Variants in DPP6 observed in about 807,000 individuals in gnomAD.
The protein encoded by DPP6 is A-type potassium channel modulatory protein DPP6.
DPP6 carries 69 observed loss-of-function variants against 122.6 expected under a neutral mutation model. The ratio of observed to expected loss-of-function variants is 0.56; its 90% confidence interval spans 0.46 to 0.69. The LOEUF (loss-of-function observed/expected upper bound fraction) is 0.69, where lower values mean the gene tolerates loss of function less well. Ranked by LOEUF, DPP6 falls within the 30% of genes least tolerant of loss-of-function variation. The pLI, the probability that DPP6 is intolerant of heterozygous loss-of-function variation, is 0.00. For synonymous variants in DPP6, 418 were observed against 433.1 expected, an observed-to-expected ratio of 0.97 and a Z score of 0.43; for missense variants, 928 against 1,116.9, an observed-to-expected ratio of 0.83 and a Z score of 2.41.
At chr7:154,508,143 G>A (rs11773838) in intron 3 of DPP6, among the ~76,000 whole-genome samples, 1 of 151,870 alleles carries the variant, frequency 6.6e-6, no homozygotes, top group Non-Finnish European at 1.5e-5. Context: ...TCTATGAAAA[G>A]CAACTCGAAC....
At chr7:154,219,583 T>G (rs529494174) in intron 1 of DPP6, among the ~76,000 whole-genome samples, 3 of 150,162 alleles carry the variant, frequency 2.0e-5, no homozygotes, top group Non-Finnish European at 3.0e-5. Context: ...CTTGCCTACT[T>G]TTTTTTTTTC....
chr7:153,982,308 G>C (rs1796626838), intron 1 of DPP6, among the ~76,000 whole-genome samples: 1 of 151,096 alleles, frequency 6.6e-6, no homozygotes, highest in African/African-American at 2.4e-5. Flanking sequence ...TTCAATCTCT[G>C]ATACCCCTTC....
At chr7:153,779,044 C>T in the DPP6 span, among the ~76,000 whole-genome samples, 4 of 146,636 alleles carry the variant, frequency 2.7e-5, no homozygotes, top group South Asian at 2.1e-4. Context: ...GGATGAATCT[C>T]GGAAAAAATA....
At chr7:154,237,645 CCTT>C (rs892121467) in intron 1 of DPP6, among the ~76,000 whole-genome samples, 33 of 152,280 alleles carry the variant, frequency 2.2e-4, no homozygotes, top group Admixed American at 9.2e-4. Context: ...ACCCTCATCT[CCTT>C]CTTCTTTTTT....
At chr7:153,763,330 A>C in the DPP6 span, among the ~76,000 whole-genome samples, 1 of 151,646 alleles carries the variant, frequency 6.6e-6, no homozygotes, top group African/African-American at 2.4e-5. Flanking sequence ...AAACTTTTCT[A>C]TAAGCCTCTT....
At chr7:154,842,668 ATTTG>A (rs1801643841) in intron 16 of DPP6, among the ~76,000 whole-genome samples, 1 of 152,088 alleles carries the variant, frequency 6.6e-6, no homozygotes, top group Admixed American at 6.5e-5. Context: ...ACTTGCTTCC[ATTTG>A]TTTATTTTCC....
chr7:154,760,091 C>G lies in DPP6; in HGVS notation c.884-9326C>G, dbSNP rs1402315909. On this transcript the variant is annotated intron_variant, in intron 8 of 25. Transcript: ENST00000377770. This position sits in a 1 kb window ranked among gnomAD's most constrained non-coding sequence, Gnocchi z 4.5. Reference sequence around the variant, plus strand: ...TGAGCAGAAATCATGCCATTGCACTCCAGCCTAGGTGACAGAGCGAGATTC... The same window carrying G: ...TGAGCAGAAATCATGCCATTGCACTGCAGCCTAGGTGACAGAGCGAGATTC... 6.6e-6 allele frequency among the ~76,000 whole-genome samples: 1 copy of G among 152,198 alleles called. No individual in the cohort carries two copies. Among genetic ancestry groups the G allele is most frequent in the Non-Finnish European group, 1.5e-5 (1 of 68,046 alleles).
chr7:153,994,444 G>GT (rs1218101312), intron 1 of DPP6, among the ~76,000 whole-genome samples: 2 of 151,536 alleles, frequency 1.3e-5, no homozygotes, highest in Non-Finnish European at 2.9e-5. Flanking sequence ...TATTAAATTG[G>GT]TTGTTAGTTC....
intron 1 of DPP6, among the ~76,000 whole-genome samples, chr7:154,121,848 CA>C (rs1287250502): frequency 6.6e-6 from 1 of 152,142 alleles, no homozygotes; most frequent in Non-Finnish European, 1.5e-5. Context: ...CAATAACAAA[CA>C]AAAATTCTTT....
chr7:154,647,012 C>T (rs568406990), intron 6 of DPP6, among the ~76,000 whole-genome samples: 1 of 152,224 alleles, frequency 6.6e-6, no homozygotes, highest in South Asian at 2.1e-4. Context: ...GTGAAAATGC[C>T]CAGGAGTCCT....
At chr7:153,842,004 T>C in the DPP6 span, among the ~76,000 whole-genome samples, 11 of 152,248 alleles carry the variant, frequency 7.2e-5, no homozygotes, top group Non-Finnish European at 1.5e-4. Flanking sequence ...GTTTCATTGA[T>C]GATCCAGTGG....
At chr7:154,729,803 T>C (rs1473604198) in intron 8 of DPP6, among the ~76,000 whole-genome samples, 2 of 152,196 alleles carry the variant, frequency 1.3e-5, no homozygotes, top group Non-Finnish European at 2.9e-5. Context: ...CCAGTTTCCT[T>C]CTGAGCCCCA....
At chr7:153,781,651 A>G in the DPP6 span, among the ~76,000 whole-genome samples, 1 of 152,218 alleles carries the variant, frequency 6.6e-6, no homozygotes, top group East Asian at 1.9e-4. Flanking sequence ...TCCTCATAGG[A>G]GTCACCCTTT....
chr7:154,769,622 C>G, intron 9 of DPP6, 51 bp downstream of exon 9: 1 of 1,488,548 alleles, frequency 6.7e-7, no homozygotes, highest in South Asian at 1.4e-5. Context: ...TCATGAACAC[C>G]CCAACCCTGC....
chr7:153,775,078 GAAACAGGCA>G, the DPP6 span, among the ~76,000 whole-genome samples: 2 of 148,412 alleles, frequency 1.3e-5, no homozygotes, highest in African/African-American at 5.0e-5. Flanking sequence ...TGTAATACCA[GAAACAGGCA>G]AAAGATTAAA....
intron 3 of DPP6, among the ~76,000 whole-genome samples, chr7:154,511,200 G>A (rs1294277888): frequency 2.0e-5 from 3 of 152,014 alleles, no homozygotes; most frequent in African/African-American, 7.3e-5. Context: ...ATTTGAGATG[G>A]GATAACATAA....
At chr7:154,708,836 T>C (rs183831227) in intron 7 of DPP6, among the ~76,000 whole-genome samples, 1 of 152,220 alleles carries the variant, frequency 6.6e-6, no homozygotes, top group African/African-American at 2.4e-5. Flanking sequence ...ATACCTGAGG[T>C]CAGGAGTTCG....
intron 1 of DPP6, among the ~76,000 whole-genome samples, chr7:154,197,370 C>T (rs956034015): frequency 6.6e-6 from 1 of 152,084 alleles, no homozygotes; most frequent in Non-Finnish European, 1.5e-5. Context: ...TGCTCCTTCT[C>T]CCTAACTAGA....
At chr7:154,577,577 G>A (rs1204090279) in intron 5 of DPP6, among the ~76,000 whole-genome samples, 2 of 152,162 alleles carry the variant, frequency 1.3e-5, no homozygotes, top group Non-Finnish European at 2.9e-5. Context: ...CTTGCCAAGG[G>A]GATCTGACTC....
Sources: gnomAD v4.1 joint callset for allele counts (sites outside exome capture counted in the v4.1 genomes callset) on GRCh38, gnomAD v4.1.1 for gene constraint, Gnocchi (gnomAD v3.1) non-coding constraint, MANE v1.5 for transcripts, NCBI Gene and HGNC (gene_info 2026-07-23, HGNC 2026-07-21) for gene names.